The following CFAP46 variants were observed in gnomAD, a reference collection of about 807,000 sequenced individuals.
CFAP46 encodes the protein cilia and flagella associated protein 46.
Under a neutral mutation model 325.7 loss-of-function variants are expected in CFAP46, and 245 were observed. The ratio of observed to expected loss-of-function variants is 0.75; its 90% confidence interval spans 0.68 to 0.84. CFAP46 has a LOEUF of 0.84. Ranked by LOEUF, CFAP46 falls within the 40% of genes least tolerant of loss-of-function variation. The probability of loss-of-function intolerance (pLI) is 0.00; values close to 1 mark genes in which losing one functional copy is unlikely to be tolerated. For missense variants in CFAP46, 3,346 were observed against 3,543.0 expected, an observed-to-expected ratio of 0.94 and a Z score of 1.41; for synonymous variants, 1,523 against 1,495.9, an observed-to-expected ratio of 1.02 and a Z score of -0.42.
chr10:132,916,725 C>A, intron 16 of CFAP46, 43 bp from the exon 17 acceptor site: 1 of 1,415,042 alleles, frequency 7.1e-7, no homozygotes, highest in East Asian at 2.9e-5. Flanking sequence ...GGGCGGAGCA[C>A]GGGCCCAGCA....
chr10:132,878,316 T>C (rs1848986731), intron 29 of CFAP46, among the ~76,000 whole-genome samples: 1 of 152,204 alleles, frequency 6.6e-6, no homozygotes, highest in South Asian at 2.1e-4. Context: ...CCCGTGAGCC[T>C]GCTGGCTCCG....
intron 25 of CFAP46, among the ~76,000 whole-genome samples, chr10:132,891,023 G>A (rs966655164): frequency 1.3e-5 from 2 of 152,066 alleles, no homozygotes; most frequent in Non-Finnish European, 2.9e-5. Context: ...ATTCTAATAT[G>A]GTTCTATTGT....
intron 41 of CFAP46, among the ~76,000 whole-genome samples, chr10:132,849,398 A>G (rs1037657761): frequency 1.3e-5 from 2 of 152,190 alleles, no homozygotes; most frequent in Non-Finnish European, 2.9e-5. Context: ...TGCCCTGGGC[A>G]TGGAGCCAGG....
At chr10:132,850,220 T>G (rs1848513386) in intron 41 of CFAP46, 24 bp downstream of exon 41, 5 of 1,549,688 alleles carry the variant, frequency 3.2e-6, no homozygotes, top group Non-Finnish European at 4.4e-6. Context: ...GAGCCAGACT[T>G]GGGATAGAAG....
chr10:132,859,224 A>G lies in CFAP46; in HGVS notation c.5222T>C (p.Val1741Ala). 6.5e-7 allele frequency: 1 copy of G among 1,549,372 alleles called. No individual in the cohort carries two copies. ...TTCAGTGACCGCTGAGTGCTGCGCA[A>G]CTCTGACCCGCAGGCTCAGGCACCT... ...EARCLSLRVR[V>A]AQHSAVTEPT... Residue 1741 changes from valine (V) to alanine (A), a missense_variant, in exon 38 of 58, where the codon GTT (valine) becomes GCT (alanine). Val to Ala is a moderately conservative substitution (Grantham distance 64). Transcript: ENST00000368586.
At position 132,869,291 on chromosome 10, in the gene CFAP46, G is replaced by A. The variant is rs116808143; in HGVS notation, c.4593C>T (p.Ser1531=). 5,288 of 1,535,824 alleles carry A rather than the reference G, an allele frequency of 3.4e-3. 153 individuals are homozygous for A. The African/African-American group carries it at 0.062, about 18-fold the overall frequency. The change falls in exon 33 of 58, where the codon AGC becomes AGT. Residue 1531 remains serine, a synonymous_variant. Coordinates refer to ENST00000368586, the MANE Select transcript of CFAP46 (RefSeq NM_001200049.3). The surrounding 1 kb of genome is among the most constrained non-coding windows in gnomAD (Gnocchi z 6.2). ...GCACACACCTGGCCTGCTCCAGCTC[G>A]CTGACGCACACCTGCCCGACCGCCT... ...HEEAVGQVCV[S]ELEQASCRKE...
intron 1 of CFAP46, among the ~76,000 whole-genome samples, 158 bp downstream of exon 1, chr10:132,942,278 T>G (rs1211499537): frequency 6.7e-6 from 1 of 149,898 alleles, no homozygotes; most frequent in Non-Finnish European, 1.5e-5. Flanking sequence ...ACGTTTGCTC[T>G]GGTCAGACGA....
At position 132,828,472 on chromosome 10, in the gene CFAP46, G is replaced by A. The variant is rs535402936; in HGVS notation, c.7117+4886C>T. ...TAATGATGTCGGGCATCCTTCCATC[G>A]TACTTTGTTTGCTATCTAAATCTTT... On this transcript the variant is annotated intron_variant, in intron 50 of 57. Transcript: ENST00000368586. This position sits in a 1 kb window ranked among gnomAD's most constrained non-coding sequence, Gnocchi z 4.9. 1.4e-4 allele frequency among the ~76,000 whole-genome samples: 21 copies of A among 152,216 alleles called. No individual in the cohort carries two copies. The South Asian group carries it at 4.1e-3, about 30-fold the overall frequency.
Position 132,884,642 on chromosome 10 carries a change from C to A in CFAP46, c.3627+461G>T, listed in dbSNP as rs60666797. Among the ~76,000 whole-genome samples the A allele has an allele frequency of 0.072, 11,028 of 152,200 alleles. 1,031 individuals carry two copies. Among genetic ancestry groups the A allele is most frequent in the African/African-American group, 0.21 (8,874 of 41,476 alleles). On this transcript the variant is annotated intron_variant, in intron 27 of 57. Transcript: ENST00000368586. This position sits in a 1 kb window ranked among gnomAD's most constrained non-coding sequence, Gnocchi z 5.4. Reference sequence around the variant, plus strand: ...CACCCCAAGGGGAACGTCCATCTCGCCTTCCTGGGGGTGGGGAAGAGACGC... The same window carrying A: ...CACCCCAAGGGGAACGTCCATCTCGACTTCCTGGGGGTGGGGAAGAGACGC...
chr10:132,938,499 C>A, intron 5 of CFAP46, 90 bp downstream of exon 5: 2 of 1,264,130 alleles, frequency 1.6e-6, no homozygotes, highest in Non-Finnish European at 2.2e-6. Flanking sequence ...ATGTGGAACT[C>A]CCGTCCCCCC....
At position 132,857,625 on chromosome 10, in the gene CFAP46, G is replaced by T; in HGVS notation, c.5539C>A (p.Leu1847Ile). 1 of 1,612,886 alleles carries T rather than the reference G, an allele frequency of 6.2e-7. No individual in the cohort carries two copies. Among genetic ancestry groups the T allele is most frequent in the Non-Finnish European group, 8.5e-7 (1 of 1,179,494 alleles). Residue 1847 changes from leucine to isoleucine, a missense_variant, in exon 39 of 58, where the codon CTT (leucine) becomes ATT (isoleucine). Leu to Ile is a conservative substitution (Grantham distance 5, BLOSUM62 2). Transcript: ENST00000368586. ...GACAATAGGCCCTGGACGCTGTGAA[G>T]CCTCCCTTCTTCCTCAGCCATGGCG... ...QGAMAEEEGR[L>I]HSVQGLLSLQ...
At chr10:132,864,115 T>A (rs1591061379) in intron 35 of CFAP46, among the ~76,000 whole-genome samples, 1 of 96,270 alleles carries the variant, frequency 1.0e-5, no homozygotes, top group Non-Finnish European at 2.0e-5. Flanking sequence ...ACCTCTCCCT[T>A]TGTATGAGAC....
intron 8 of CFAP46, among the ~76,000 whole-genome samples, chr10:132,932,932 T>C (rs905399806): frequency 1.3e-5 from 2 of 152,220 alleles, no homozygotes; most frequent in Non-Finnish European, 1.5e-5. Flanking sequence ...GCCTGTCCAT[T>C]GTGTCCCTGC....
rs765516411 is a variant in CFAP46 at position 132,834,713 on chromosome 10, C to T, written c.6807G>A (p.Leu2269=). The part of the protein sequence containing the change: ...ERPVQRLSSV[L]GPLEELLQPL... Reference sequence around the variant, plus strand: ...GCTGCAGAAGCTCCTCCAGGGGCCCCAGGACGCTACTGAGCCTCTGCACAG... The same window carrying T: ...GCTGCAGAAGCTCCTCCAGGGGCCCTAGGACGCTACTGAGCCTCTGCACAG... The change falls in exon 48 of 58, where the codon CTG becomes CTA. Residue 2269 remains leucine (L), a synonymous_variant. Transcript: ENST00000368586. 6.2e-7 allele frequency: 1 copy of T among 1,613,110 alleles called. No individual in the cohort carries two copies. Among genetic ancestry groups the T allele is most frequent in the Admixed American group, 1.7e-5 (1 of 59,980 alleles).
chr10:132,864,549 T>C (rs1222546874), intron 35 of CFAP46, among the ~76,000 whole-genome samples: 187 of 33,874 alleles, frequency 5.5e-3, no homozygotes, highest in Admixed American at 9.2e-3. Flanking sequence ...ACACCTGCCC[T>C]CAGTGCCTGA....
intron 50 of CFAP46, among the ~76,000 whole-genome samples, chr10:132,822,477 T>A (rs1330347620): frequency 2.9e-5 from 4 of 137,302 alleles, no homozygotes; most frequent in African/African-American, 1.1e-4. Flanking sequence ...TGATGTGTGC[T>A]GTGTGTGCTG....
intron 24 of CFAP46, among the ~76,000 whole-genome samples, chr10:132,893,696 C>T (rs558376815): frequency 2.6e-5 from 4 of 152,358 alleles, no homozygotes; most frequent in South Asian, 2.1e-4. Flanking sequence ...GAGCCATGCA[C>T]GTGATCTCTC....
At chr10:132,879,103 G>T (rs558067819) in intron 29 of CFAP46, among the ~76,000 whole-genome samples, 1 of 152,226 alleles carries the variant, frequency 6.6e-6, no homozygotes, top group East Asian at 1.9e-4. Context: ...GTCTGCAAGG[G>T]TGCCAGGGCG....
At chr10:132,818,110 G>GCC (rs2134800464) in intron 50 of CFAP46, among the ~76,000 whole-genome samples, 1 of 152,310 alleles carries the variant, frequency 6.6e-6, no homozygotes, top group South Asian at 2.1e-4. Flanking sequence ...CCCCTGGGCG[G>GCC]CCCGTGTCCT....
Sources: gnomAD v4.1 joint callset for allele counts (sites outside exome capture counted in the v4.1 genomes callset) on GRCh38, gnomAD v4.1.1 for gene constraint, Gnocchi (gnomAD v3.1) non-coding constraint, MANE v1.5 for transcripts, NCBI Gene and HGNC (gene_info 2026-07-23, HGNC 2026-07-21) for gene names.